The following AGPAT4 variants were observed in gnomAD, a reference collection of about 807,000 sequenced individuals.
AGPAT4 encodes 1-acyl-sn-glycerol-3-phosphate acyltransferase delta.
In AGPAT4, 15 loss-of-function variants were observed where a neutral mutation model predicts 48.0. That is an observed-to-expected ratio of 0.31 (90% CI 0.21 to 0.48). The LOEUF is 0.48. Among genes scored for constraint, AGPAT4 ranks in the 20% least tolerant of loss-of-function variants. AGPAT4 has a pLI of 0.99. For missense variants in AGPAT4, 314 were observed against 482.5 expected, an observed-to-expected ratio of 0.65 and a Z score of 3.27; for synonymous variants, 178 against 198.7, an observed-to-expected ratio of 0.90 and a Z score of 0.88.
At position 161,273,142 on chromosome 6, in the gene AGPAT4, ATATCT is replaced by A. The variant is rs1299015308; in HGVS notation, c.-90+791_-90+795del. 2.6e-5 allele frequency among the ~76,000 whole-genome samples: 4 copies of A among 152,354 alleles called. No individual in the cohort carries two copies. In the East Asian group the frequency reaches 7.7e-4, roughly 29 times the overall value. ...CCCCCTTAGCTTGACCACAGGATCA[ATATCT>A]TATCTTAAGAAGTGTTTAGGTTTTC... is the stretch of plus-strand genomic sequence containing the variant. On this transcript the variant is annotated intron_variant, in intron 1 of 8. Transcript: ENST00000320285.
rs1480995800 is a variant in AGPAT4 at position 161,266,008 on chromosome 6, C to A, written c.-90+7930G>T. On this transcript the variant is annotated intron_variant, in intron 1 of 8. Coordinates refer to ENST00000320285, the MANE Select transcript of AGPAT4 (RefSeq NM_020133.3). The surrounding 1 kb of genome is among the most constrained non-coding windows in gnomAD (Gnocchi z 6.2). ...AATGGGTTTGCTTTGATCGGACCAA[C>A]CGGATTCCTGAGTGTACCTGACAGA... 6.6e-6 allele frequency among the ~76,000 whole-genome samples: 1 copy of A among 152,170 alleles called. No homozygotes were observed. The highest frequency in any genetic ancestry group is 1.5e-5 in the Non-Finnish European group (1 of 68,030).
Position 161,149,359 on chromosome 6 carries a change from C to T in AGPAT4, c.665-70G>A. ...CCCAATTTTGTTCTGTAGATACACACATTGGAAGACAATAATCAAATGGCT... is the reference window on the plus strand; with the variant it reads ...CCCAATTTTGTTCTGTAGATACACATATTGGAAGACAATAATCAAATGGCT... On this transcript the variant is annotated intron_variant, in intron 5 of 8. Coordinates refer to ENST00000320285, the MANE Select transcript of AGPAT4 (RefSeq NM_020133.3). This position sits in a 1 kb window ranked among gnomAD's most constrained non-coding sequence, Gnocchi z 6.5. The T allele has an allele frequency of 5.2e-6, 7 of 1,337,262 alleles. No individual in the cohort carries two copies. In the South Asian group the frequency reaches 5.8e-5, roughly 11 times the overall value. 82.8% of individuals were successfully genotyped at this position (1,337,262 alleles called of 1,614,324 possible). A position where few individuals can be genotyped will look rare whatever the true frequency, so the allele number is the denominator to read the frequency against.
Position 161,142,383 on chromosome 6 carries a change from T to C in AGPAT4, c.844-2763A>G, listed in dbSNP as rs1241359543. On this transcript the variant is annotated intron_variant, in intron 7 of 8. Transcript: ENST00000320285. The surrounding 1 kb of genome is among the most constrained non-coding windows in gnomAD (Gnocchi z 6.4). ...TTGCCCCGCAGGGAAAGGACTCGTGTTTTTTGTTTTTGTGTGTTACCGTGT... is the reference window on the plus strand; with the variant it reads ...TTGCCCCGCAGGGAAAGGACTCGTGCTTTTTGTTTTTGTGTGTTACCGTGT... Among the ~76,000 whole-genome samples, 1 of 152,108 alleles carries C rather than the reference T, an allele frequency of 6.6e-6. No homozygotes were observed. Among genetic ancestry groups the C allele is most frequent in the African/African-American group, 2.4e-5 (1 of 41,414 alleles).
chr6:161,194,140 C>A (rs1780998573), intron 2 of AGPAT4, among the ~76,000 whole-genome samples: 1 of 151,940 alleles, frequency 6.6e-6, no homozygotes, highest in Non-Finnish European at 1.5e-5. Flanking sequence ...TTGAAGATTT[C>A]CAACAAAAAA....
rs942766192 is a variant in AGPAT4, at chr6:161,189,044, T to C, written c.179-22627A>G. ...CACGTGTTTCTTAGAATCTTAGTAA[T>C]TTTGAAGTAATAAATCTGTGCCTAT... On this transcript the variant is annotated intron_variant, in intron 2 of 8. Coordinates refer to ENST00000320285, the MANE Select transcript of AGPAT4 (RefSeq NM_020133.3). The surrounding 1 kb of genome is among the most constrained non-coding windows in gnomAD (Gnocchi z 5.3). Among the ~76,000 whole-genome samples the C allele has an allele frequency of 2.0e-5, 3 of 152,204 alleles. No individual in the cohort carries two copies. The highest frequency in any genetic ancestry group is 7.2e-5 in the African/African-American group (3 of 41,446).
At chr6:161,256,328 C>A (rs542651752) in intron 1 of AGPAT4, among the ~76,000 whole-genome samples, 1 of 152,310 alleles carries the variant, frequency 6.6e-6, no homozygotes, top group African/African-American at 2.4e-5. Flanking sequence ...ACGGCAGCGA[C>A]CGCCACCATC....
At chr6:161,145,267 A>G (rs1779386945) in intron 7 of AGPAT4, among the ~76,000 whole-genome samples, 1 of 151,670 alleles carries the variant, frequency 6.6e-6, no homozygotes, top group African/African-American at 2.4e-5. Context: ...ACCTGCAGAG[A>G]CAGAATCACT....
rs1242171278 is a variant in AGPAT4 at position 161,217,478 on chromosome 6, G to GCTT, written c.178+14555_178+14557dup. On this transcript the variant is annotated intron_variant, in intron 2 of 8. Coordinates refer to ENST00000320285, the MANE Select transcript of AGPAT4 (RefSeq NM_020133.3). The surrounding 1 kb of genome is among the most constrained non-coding windows in gnomAD (Gnocchi z 4.9). Reference sequence around the variant, plus strand: ...GGCGATATCCAAGCCCAAAAGACATGCTTCTCCCTGTGTGTCCCTGGGGGA... The same window carrying GCTT: ...GGCGATATCCAAGCCCAAAAGACATGCTTCTTCTCCCTGTGTGTCCCTGGGGGA... Among the ~76,000 whole-genome samples the GCTT allele has an allele frequency of 6.6e-6, 1 of 152,200 alleles. No homozygotes were observed. Among genetic ancestry groups the GCTT allele is most frequent in the East Asian group, 1.9e-4 (1 of 5,190 alleles).
rs192885346 is a variant in AGPAT4, at chr6:161,266,679, C to A, written c.-90+7259G>T. ...TGCCCTTCCCCCAGCAGAAAAGAGACAAGAAAAGAAATGAGCCTGATGACT... is the reference window on the plus strand; with the variant it reads ...TGCCCTTCCCCCAGCAGAAAAGAGAAAAGAAAAGAAATGAGCCTGATGACT... On this transcript the variant is annotated intron_variant, in intron 1 of 8. Transcript: ENST00000320285. The surrounding 1 kb of genome is among the most constrained non-coding windows in gnomAD (Gnocchi z 6.2). 8.5e-5 allele frequency among the ~76,000 whole-genome samples: 13 copies of A among 152,236 alleles called. No individual in the cohort carries two copies. Among genetic ancestry groups the A allele is most frequent in the African/African-American group, 3.1e-4 (13 of 41,536 alleles).
chr6:161,182,975 T>C (rs556534104), intron 2 of AGPAT4, among the ~76,000 whole-genome samples: 1 of 152,170 alleles, frequency 6.6e-6, no homozygotes, highest in Admixed American at 6.5e-5. Context: ...TGAGTGAGGA[T>C]AACAAGAGGC....
rs1781047920 is a variant in AGPAT4, at chr6:161,195,620, C to G, written c.179-29203G>C. Among the ~76,000 whole-genome samples, 1 of 152,226 alleles carries G rather than the reference C, an allele frequency of 6.6e-6. No homozygotes were observed. The highest frequency in any genetic ancestry group is 1.5e-5 in the Non-Finnish European group (1 of 68,038). ...GCAGAACTTCATCATGTGATCAAAG[C>G]TGCAGAAGGAGAAAGAGACCTTGCA... is the stretch of plus-strand genomic sequence containing the variant. On this transcript the variant is annotated intron_variant, in intron 2 of 8. Coordinates refer to ENST00000320285, the MANE Select transcript of AGPAT4 (RefSeq NM_020133.3). The surrounding 1 kb of genome is among the most constrained non-coding windows in gnomAD (Gnocchi z 5.0).
At position 161,217,291 on chromosome 6, in the gene AGPAT4, T is replaced by A. The variant is rs1259173999; in HGVS notation, c.178+14745A>T. 6.6e-6 allele frequency among the ~76,000 whole-genome samples: 1 copy of A among 152,192 alleles called. No homozygotes were observed. Among genetic ancestry groups the A allele is most frequent in the Non-Finnish European group, 1.5e-5 (1 of 68,038 alleles). Reference sequence around the variant, plus strand: ...GAACTGGGCTCCCATCAATGCCTGGTACATGGTAACAGAAGGTGCTCAATA... The same window carrying A: ...GAACTGGGCTCCCATCAATGCCTGGAACATGGTAACAGAAGGTGCTCAATA... On this transcript the variant is annotated intron_variant, in intron 2 of 8. Coordinates refer to ENST00000320285, the MANE Select transcript of AGPAT4 (RefSeq NM_020133.3). The surrounding 1 kb of genome is among the most constrained non-coding windows in gnomAD (Gnocchi z 4.9).
At chr6:161,257,058 C>T (rs1196193529) in intron 1 of AGPAT4, among the ~76,000 whole-genome samples, 1 of 152,140 alleles carries the variant, frequency 6.6e-6, no homozygotes, top group African/African-American at 2.4e-5. Context: ...TTTCCTGTGC[C>T]CTAAATGAGA....
At chr6:161,230,639 A>G (rs1305908796) in intron 2 of AGPAT4, among the ~76,000 whole-genome samples, 2 of 152,176 alleles carry the variant, frequency 1.3e-5, no homozygotes, top group Non-Finnish European at 2.9e-5. Flanking sequence ...ACCACCGTAG[A>G]AGGGTACATA....
Position 161,148,679 on chromosome 6 carries a change from C to T in AGPAT4, c.767+508G>A, listed in dbSNP as rs1285262999. On this transcript the variant is annotated intron_variant, in intron 6 of 8. Coordinates refer to ENST00000320285, the MANE Select transcript of AGPAT4 (RefSeq NM_020133.3). This position sits in a 1 kb window ranked among gnomAD's most constrained non-coding sequence, Gnocchi z 5.5. ...GTTTCCCACTGATTTTGGTGACATT[C>T]TGGAGGTGTTCAGCCCATTCTATAA... is the stretch of plus-strand genomic sequence containing the variant. Among the ~76,000 whole-genome samples, 2 of 152,170 alleles carry T rather than the reference C, an allele frequency of 1.3e-5. No individual in the cohort carries two copies. The highest frequency in any genetic ancestry group is 4.8e-5 in the African/African-American group (2 of 41,418).
In AGPAT4 at chr6:161,246,445, T is replaced by G. The variant is rs540195618; in HGVS notation, c.-89-14143A>C. Among the ~76,000 whole-genome samples the G allele has an allele frequency of 6.6e-6, 1 of 152,068 alleles. No individual in the cohort carries two copies. Among genetic ancestry groups the G allele is most frequent in the Non-Finnish European group, 1.5e-5 (1 of 68,004 alleles). On this transcript the variant is annotated intron_variant, in intron 1 of 8. Coordinates refer to ENST00000320285, the MANE Select transcript of AGPAT4 (RefSeq NM_020133.3). This position sits in a 1 kb window ranked among gnomAD's most constrained non-coding sequence, Gnocchi z 5.5. ...TTTTTTTGAGACAGAGTTTCACTCT[T>G]GTTGCCCAGGCTGGAGTGCAATGGA... is the stretch of plus-strand genomic sequence containing the variant.
rs1583277748 is a variant in AGPAT4 at position 161,144,936 on chromosome 6, G to C, written c.843+1588C>G. Among the ~76,000 whole-genome samples, 1 of 151,908 alleles carries C rather than the reference G, an allele frequency of 6.6e-6. No homozygotes were observed. Among genetic ancestry groups the C allele is most frequent in the Non-Finnish European group, 1.5e-5 (1 of 67,998 alleles). Reference sequence around the variant, plus strand: ...GCAGAGCTTGCAGTGAGCCGAGATCGCGCCACTGCACTCCAGCCTGGGAGA... The same window carrying C: ...GCAGAGCTTGCAGTGAGCCGAGATCCCGCCACTGCACTCCAGCCTGGGAGA... On this transcript the variant is annotated intron_variant, in intron 7 of 8. Coordinates refer to ENST00000320285, the MANE Select transcript of AGPAT4 (RefSeq NM_020133.3). This position sits in a 1 kb window ranked among gnomAD's most constrained non-coding sequence, Gnocchi z 6.6.
chr6:161,252,092 CA>C (rs1782819166), intron 1 of AGPAT4, among the ~76,000 whole-genome samples: 1 of 152,098 alleles, frequency 6.6e-6, no homozygotes, highest in African/African-American at 2.4e-5. Flanking sequence ...GGTTATAACT[CA>C]AGTGCCAGAA....
In AGPAT4 at chr6:161,136,606, A is replaced by G; in HGVS notation, c.1071T>C (p.Gly357=). ...CAGAGCCCTTGTCAATTTCCGTCAC[A>G]CCAATCATCCATCGAACTCCCACGG... is the stretch of plus-strand genomic sequence containing the variant. ...VASVGVRWMI[G]VTEIDKGSAY... is the part of the protein sequence containing the mutation. Residue 357 remains glycine (G), a synonymous_variant, in exon 9 of 9, where the codon GGT becomes GGC. Coordinates refer to ENST00000320285, the MANE Select transcript of AGPAT4 (RefSeq NM_020133.3). 1 of 1,614,188 alleles carries G rather than the reference A, an allele frequency of 6.2e-7. No homozygotes were observed. The highest frequency in any genetic ancestry group is 8.5e-7 in the Non-Finnish European group (1 of 1,180,032).
Sources: gnomAD v4.1 joint callset for allele counts (sites outside exome capture counted in the v4.1 genomes callset) on GRCh38, gnomAD v4.1.1 for gene constraint, Gnocchi (gnomAD v3.1) non-coding constraint, MANE v1.5 for transcripts, NCBI Gene and HGNC (gene_info 2026-07-23, HGNC 2026-07-21) for gene names.